The following CDKAL1 variants were observed in gnomAD, a reference collection of about 807,000 sequenced individuals.
CDKAL1 encodes the protein CDKAL1 threonylcarbamoyladenosine tRNA methylthiotransferase, also known as threonylcarbamoyladenosine tRNA methylthiotransferase.
CDKAL1 carries 32 observed loss-of-function variants against 68.2 expected under a neutral mutation model. The observed-to-expected ratio is 0.47, with a 90% CI of 0.35 to 0.63. CDKAL1 has a LOEUF of 0.63. Among genes scored for constraint, CDKAL1 ranks in the 30% least tolerant of loss-of-function variants. The pLI, the probability that CDKAL1 is intolerant of heterozygous loss-of-function variation, is 0.00. For synonymous variants in CDKAL1, 234 were observed against 244.3 expected, an observed-to-expected ratio of 0.96 and a Z score of 0.39; for missense variants, 606 against 696.7, an observed-to-expected ratio of 0.87 and a Z score of 1.47.
Position 20,780,862 on chromosome 6 carries a change from T to C in CDKAL1, c.518-283T>C, listed in dbSNP as rs150012880. ...CTTATTTTTGTACTTTTAATAGAGATGGAGTTTCACCATGTTGATCAGGCT... is the reference window on the plus strand; with the variant it reads ...CTTATTTTTGTACTTTTAATAGAGACGGAGTTTCACCATGTTGATCAGGCT... On this transcript the variant is annotated intron_variant, in intron 7 of 15. Transcript: ENST00000274695. 1.9e-3 allele frequency among the ~76,000 whole-genome samples: 295 copies of C among 152,112 alleles called. 2 individuals are homozygous for C. The highest frequency in any genetic ancestry group is 6.9e-3 in the African/African-American group (285 of 41,498).
intron 5 of CDKAL1, among the ~76,000 whole-genome samples, chr6:20,656,715 A>G (rs2127766968): frequency 6.6e-6 from 1 of 152,302 alleles, no homozygotes; most frequent in African/African-American, 2.4e-5. Flanking sequence ...GTTTTGTTAT[A>G]TATGTGTTAT....
chr6:21,101,219 G>A (rs998957175), intron 12 of CDKAL1, among the ~76,000 whole-genome samples: 1 of 152,172 alleles, frequency 6.6e-6, no homozygotes, highest in Admixed American at 6.6e-5. Flanking sequence ...AATCATAGAG[G>A]CTAACAGTTG....
chr6:21,215,530 A>C (rs1779311099), intron 15 of CDKAL1, among the ~76,000 whole-genome samples: 1 of 152,200 alleles, frequency 6.6e-6, no homozygotes, highest in Non-Finnish European at 1.5e-5. Flanking sequence ...AGAAGACATC[A>C]CATTCAGTTT....
rs574439404 is a variant in CDKAL1 at position 21,190,373 on chromosome 6, G to GT, written c.1300-7637dup. Among the ~76,000 whole-genome samples, 225 of 133,692 alleles carry GT rather than the reference G, an allele frequency of 1.7e-3. 1 individual carries two copies. The highest frequency in any genetic ancestry group is 7.7e-3 in the Middle Eastern group (2 of 260). 87.7% of individuals were successfully genotyped at this position (133,692 alleles called of 152,430 possible). ...TTTTGATATGTGTGGGGTTTTTTTT[G>GT]TTTTTTTTTTTGAGACGGAGTCTCA... On this transcript the variant is annotated intron_variant, in intron 13 of 15. Coordinates refer to ENST00000274695, the MANE Select transcript of CDKAL1 (RefSeq NM_017774.3).
intron 8 of CDKAL1, among the ~76,000 whole-genome samples, chr6:20,803,548 G>T (rs1232035972): frequency 6.6e-6 from 1 of 152,196 alleles, no homozygotes; most frequent in African/African-American, 2.4e-5. Flanking sequence ...TAAGCCATTG[G>T]CGGTGATAGT....
intron 11 of CDKAL1, among the ~76,000 whole-genome samples, chr6:21,009,773 C>T (rs1202956447): frequency 2.6e-5 from 4 of 152,110 alleles, no homozygotes; most frequent in African/African-American, 4.8e-5. Flanking sequence ...TGTTCTCACT[C>T]ATATGCAGGA....
intron 15 of CDKAL1, among the ~76,000 whole-genome samples, chr6:21,212,849 G>A (rs1446521465): frequency 6.6e-6 from 1 of 152,048 alleles, no homozygotes; most frequent in Non-Finnish European, 1.5e-5. Flanking sequence ...TAAAATTATT[G>A]AGAAACAGAA....
intron 9 of CDKAL1, among the ~76,000 whole-genome samples, chr6:20,939,013 C>A (rs940715208): frequency 6.6e-6 from 1 of 152,042 alleles, no homozygotes; most frequent in Non-Finnish European, 1.5e-5. Flanking sequence ...CCCTTTCTTC[C>A]TGTCTTCTTA....
intron 11 of CDKAL1, among the ~76,000 whole-genome samples, chr6:21,006,533 T>C (rs1428595321): frequency 6.6e-6 from 1 of 152,250 alleles, no homozygotes; most frequent in Non-Finnish European, 1.5e-5. Flanking sequence ...TTGCCAAATT[T>C]CTTTCTGAGG....
chr6:21,009,499 C>T (rs555996716), intron 11 of CDKAL1, among the ~76,000 whole-genome samples: 1 of 152,316 alleles, frequency 6.6e-6, no homozygotes, highest in East Asian at 1.9e-4. Flanking sequence ...AGTCCCACTA[C>T]TAGCTGTTTA....
rs185862081 is a variant in CDKAL1, at chr6:20,628,021, C to T, written c.287-21272C>T. On this transcript the variant is annotated intron_variant, in intron 4 of 15. Transcript: ENST00000274695. ...AATTCCTTGGGATTTTCTAGATAGACAATCATATTATCTGTGAAAAGAGAC... is the reference window on the plus strand; with the variant it reads ...AATTCCTTGGGATTTTCTAGATAGATAATCATATTATCTGTGAAAAGAGAC... Among the ~76,000 whole-genome samples the T allele has an allele frequency of 1.5e-3, 226 of 152,230 alleles. 1 individual carries two copies. The highest frequency in any genetic ancestry group is 2.7e-3 in the Admixed American group (41 of 15,284).
At chr6:21,072,210 T>G (rs539626512) in intron 12 of CDKAL1, among the ~76,000 whole-genome samples, 14 of 152,212 alleles carry the variant, frequency 9.2e-5, no homozygotes, top group Non-Finnish European at 1.9e-4. Context: ...CTCTTAGATT[T>G]TGTTTGGCTG....
intron 4 of CDKAL1, among the ~76,000 whole-genome samples, chr6:20,568,004 T>C (rs1319583651): frequency 6.6e-6 from 1 of 152,010 alleles, no homozygotes; most frequent in African/African-American, 2.4e-5. Flanking sequence ...GCCTCCTAAG[T>C]AGCTGGGACC....
intron 4 of CDKAL1, among the ~76,000 whole-genome samples, chr6:20,639,462 T>G (rs1442230872): frequency 1.3e-5 from 2 of 152,110 alleles, no homozygotes; most frequent in African/African-American, 4.8e-5. Flanking sequence ...TCTTTCCTCC[T>G]TTTCCCCCCT....
intron 5 of CDKAL1, among the ~76,000 whole-genome samples, chr6:20,699,040 AT>A (rs1378822482): frequency 6.6e-6 from 1 of 152,086 alleles, no homozygotes; most frequent in East Asian, 1.9e-4. Context: ...AAGTCAGAAA[AT>A]TCTTAATTGT....
intron 13 of CDKAL1, among the ~76,000 whole-genome samples, chr6:21,155,518 C>T (rs1204643145): frequency 6.6e-6 from 1 of 152,200 alleles, no homozygotes; most frequent in Non-Finnish European, 1.5e-5. Context: ...CATCACCTCC[C>T]ATGGTAGCAC....
At chr6:20,622,464 A>G (rs1767236280) in intron 4 of CDKAL1, among the ~76,000 whole-genome samples, 1 of 152,102 alleles carries the variant, frequency 6.6e-6, no homozygotes, top group South Asian at 2.1e-4. Context: ...GGATGGATAT[A>G]TTAGACAAAG....
At chr6:21,024,876 T>A (rs945203032) in intron 11 of CDKAL1, among the ~76,000 whole-genome samples, 1 of 152,166 alleles carries the variant, frequency 6.6e-6, no homozygotes, top group African/African-American at 2.4e-5. Flanking sequence ...AAGTACAAAG[T>A]CTTTTCCCAG....
intron 4 of CDKAL1, among the ~76,000 whole-genome samples, chr6:20,647,024 C>G (rs192901069): frequency 2.0e-5 from 3 of 152,160 alleles, no homozygotes; most frequent in Non-Finnish European, 4.4e-5. Flanking sequence ...GGATTACAGG[C>G]GTGAGCACCT....
Sources: allele counts gnomAD v4.1 joint callset (sites outside exome capture counted in the v4.1 genomes callset), GRCh38; gene constraint gnomAD v4.1.1; transcripts MANE v1.5; gene names NCBI Gene and HGNC (gene_info 2026-07-23, HGNC 2026-07-21).